DOCK3: variants seen among roughly 807,000 people sequenced by gnomAD.
DOCK3 encodes dedicator of cytokinesis 3.
DOCK3 carries 60 observed loss-of-function variants against 265.6 expected under a neutral mutation model. That is an observed-to-expected ratio of 0.23 (90% CI 0.18 to 0.28). The LOEUF is 0.28. DOCK3 is among the 10% of genes least tolerant of loss of function. The pLI, the probability that DOCK3 is intolerant of heterozygous loss-of-function variation, is 1.00. For synonymous variants in DOCK3, 881 were observed against 938.0 expected, an observed-to-expected ratio of 0.94 and a Z score of 1.11; for missense variants, 1,981 against 2,594.3, an observed-to-expected ratio of 0.76 and a Z score of 5.14.
At chr3:50,994,417 C>T (rs149880482) in intron 5 of DOCK3, among the ~76,000 whole-genome samples, 2 of 152,130 alleles carry the variant, frequency 1.3e-5, no homozygotes, top group African/African-American at 4.8e-5. Flanking sequence ...ATATTAAGTA[C>T]CTTACCCATT....
At chr3:50,691,915 GTTT>G (rs568668591) in intron 1 of DOCK3, among the ~76,000 whole-genome samples, 2 of 135,260 alleles carry the variant, frequency 1.5e-5, no homozygotes, top group Non-Finnish European at 3.2e-5. Flanking sequence ...AATCTAAAAA[GTTT>G]TTTTTTTTTT....
chr3:50,694,401 CAATT>C (rs1283655228), intron 1 of DOCK3, among the ~76,000 whole-genome samples: 4 of 152,164 alleles, frequency 2.6e-5, no homozygotes, highest in Non-Finnish European at 5.9e-5. Context: ...TCAGGATAGC[CAATT>C]AAATTCCAGA....
At chr3:51,323,075 G>A (rs1445485686) in intron 32 of DOCK3, among the ~76,000 whole-genome samples, 1 of 151,892 alleles carries the variant, frequency 6.6e-6, no homozygotes, top group East Asian at 1.9e-4. Flanking sequence ...ATGGTAAAGA[G>A]ATCAATGCAA....
chr3:51,155,599 A>C (rs2085808577), intron 10 of DOCK3, among the ~76,000 whole-genome samples: 1 of 152,206 alleles, frequency 6.6e-6, no homozygotes, highest in Non-Finnish European at 1.5e-5. Flanking sequence ...GCAGATTACG[A>C]GGTTACTCAG....
intron 5 of DOCK3, among the ~76,000 whole-genome samples, chr3:51,059,178 G>A (rs1428108572): frequency 6.6e-6 from 1 of 152,026 alleles, no homozygotes; most frequent in Non-Finnish European, 1.5e-5. Context: ...AGAACATACG[G>A]TGTTTGTTTT....
At chr3:50,759,671 TA>T (rs35332441) in intron 1 of DOCK3, among the ~76,000 whole-genome samples, 85,296 of 118,772 alleles carry the variant, frequency 0.72, 30,773 homozygotes, top group South Asian at 0.84. Flanking sequence ...ACCCCGTCTC[TA>T]AAAAAAAAAA....
intron 4 of DOCK3, among the ~76,000 whole-genome samples, chr3:50,920,579 G>A (rs760017230): frequency 6.6e-6 from 1 of 152,108 alleles, no homozygotes. Flanking sequence ...GTATTTCTGT[G>A]GGATTGGTGG....
At chr3:50,858,362 A>C (rs2046719395) in intron 3 of DOCK3, among the ~76,000 whole-genome samples, 2 of 151,938 alleles carry the variant, frequency 1.3e-5, no homozygotes, top group South Asian at 2.1e-4. Flanking sequence ...TACCAACACG[A>C]CACATATATA....
At chr3:51,226,895 G>A (rs1576464040) in intron 15 of DOCK3, among the ~76,000 whole-genome samples, 1 of 152,310 alleles carries the variant, frequency 6.6e-6, no homozygotes, top group African/African-American at 2.4e-5. Context: ...TCTCCACTTT[G>A]TAATTTAATT....
chr3:51,071,297 G>C (rs1560020949), intron 6 of DOCK3, among the ~76,000 whole-genome samples: 1 of 152,124 alleles, frequency 6.6e-6, no homozygotes. Flanking sequence ...AATTATTGGA[G>C]TGAATGAATG....
intron 5 of DOCK3, among the ~76,000 whole-genome samples, chr3:50,970,949 T>A (rs1447480276): frequency 1.2e-4 from 3 of 24,446 alleles, no homozygotes; most frequent in Non-Finnish European, 2.4e-4. Flanking sequence ...ATATATATAA[T>A]GTGTGTGTGT....
At chr3:51,277,898 C>A in intron 26 of DOCK3, 144 bp downstream of exon 26, 1 of 1,502,504 alleles carries the variant, frequency 6.7e-7, no homozygotes, top group Non-Finnish European at 8.9e-7. Flanking sequence ...CTCTTCCCTT[C>A]TTGAGTCTGA....
intron 4 of DOCK3, among the ~76,000 whole-genome samples, chr3:50,908,882 T>C (rs1478207656): frequency 6.6e-6 from 1 of 152,118 alleles, no homozygotes; most frequent in African/African-American, 2.4e-5. Context: ...GCTTGCTTTA[T>C]GAATCTGGGT....
intron 9 of DOCK3, among the ~76,000 whole-genome samples, chr3:51,100,797 T>C (rs1368677495): frequency 6.7e-6 from 1 of 149,314 alleles, no homozygotes; most frequent in Non-Finnish European, 1.5e-5. Context: ...ATTTAATTTA[T>C]CTTTTTTTTT....
At chr3:50,863,656 G>A (rs2047017655) in intron 3 of DOCK3, among the ~76,000 whole-genome samples, 2 of 152,162 alleles carry the variant, frequency 1.3e-5, no homozygotes, top group South Asian at 2.1e-4. Context: ...AGTAACTTTG[G>A]TCTTCTTTCT....
At chr3:51,071,694 A>T (rs1684756495) in intron 6 of DOCK3, among the ~76,000 whole-genome samples, 1 of 152,226 alleles carries the variant, frequency 6.6e-6, no homozygotes, top group Non-Finnish European at 1.5e-5. Flanking sequence ...AGCCGATCTG[A>T]CATCAGAACC....
chr3:50,833,180 G>A (rs1576585234), intron 2 of DOCK3, among the ~76,000 whole-genome samples: 1 of 152,142 alleles, frequency 6.6e-6, no homozygotes, highest in East Asian at 1.9e-4. Context: ...CTTCTGAGCA[G>A]CAGTCAGAGA....
chr3:51,220,709 G>GTGTATATA (rs1208536854), intron 14 of DOCK3, among the ~76,000 whole-genome samples: 84 of 132,380 alleles, frequency 6.3e-4, no homozygotes, highest in East Asian at 4.3e-3. Flanking sequence ...GTGTGTGTGT[G>GTGTATATA]TATATATATA....
At chr3:51,113,603 C>G (rs7640263) in intron 9 of DOCK3, among the ~76,000 whole-genome samples, 9 of 152,188 alleles carry the variant, frequency 5.9e-5, no homozygotes, top group South Asian at 2.1e-4. Context: ...TCATAAGACA[C>G]TGAGACACTG....
Sources: allele counts gnomAD v4.1 joint callset (sites outside exome capture counted in the v4.1 genomes callset), GRCh38; gene constraint gnomAD v4.1.1; transcripts MANE v1.5; gene names NCBI Gene and HGNC (gene_info 2026-07-23, HGNC 2026-07-21).